Variants in SOCS2 observed in about 807,000 individuals in gnomAD.
The protein encoded by SOCS2 is suppressor of cytokine signaling 2.
In SOCS2, 10 loss-of-function variants were observed where a neutral mutation model predicts 18.6. The ratio of observed to expected loss-of-function variants is 0.54; its 90% CI spans 0.33 to 0.91. The LOEUF is 0.91. Ranked by LOEUF, SOCS2 falls within the 40% of genes least tolerant of loss-of-function variation. The pLI, the probability that SOCS2 is intolerant of heterozygous loss-of-function variation, is 0.02. For missense variants in SOCS2, 231 were observed against 247.2 expected (o/e 0.93, Z 0.44); for synonymous variants, 104 against 104.0 (o/e 1.00, Z 0.00).
the SOCS2 span, among the ~76,000 whole-genome samples, chr12:93,595,179 T>C: frequency 6.6e-6 from 1 of 152,228 alleles, no homozygotes; most frequent in South Asian, 2.1e-4. Flanking sequence ...AAATAAAATA[T>C]GCTCAGCTTT....
At chr12:93,573,394 A>G in intron 1 of SOCS2, 1 of 451,596 alleles carries the variant, frequency 2.2e-6, no homozygotes, top group Non-Finnish European at 3.9e-6. Context: ...GCAATCAGCA[A>G]GTCGGTGCCG....
the SOCS2 span, among the ~76,000 whole-genome samples, chr12:93,621,506 A>G: frequency 8.5e-5 from 13 of 152,146 alleles, no homozygotes; most frequent in East Asian, 2.5e-3. Flanking sequence ...TTTTTGAGAC[A>G]GAGTCTCACT....
downstream of SOCS2, among the ~76,000 whole-genome samples, chr12:93,586,209 G>C (rs1328526147): frequency 2.0e-5 from 3 of 151,956 alleles, no homozygotes; most frequent in African/African-American, 7.3e-5. Flanking sequence ...AACATCTCTT[G>C]GGTTTTCTCA....
At chr12:93,609,107 A>G in the SOCS2 span, among the ~76,000 whole-genome samples, 5 of 151,740 alleles carry the variant, frequency 3.3e-5, no homozygotes, top group African/African-American at 1.2e-4. Context: ...TTAAAAATAA[A>G]TAGGCCAGGT....
chr12:93,608,399 T>G, the SOCS2 span, among the ~76,000 whole-genome samples: 1 of 152,154 alleles, frequency 6.6e-6, no homozygotes, highest in Non-Finnish European at 1.5e-5. Flanking sequence ...TGCTCCTGGC[T>G]CTAATGTGGC....
At chr12:93,587,377 T>C (rs1954590639), downstream of SOCS2, among the ~76,000 whole-genome samples, 1 of 151,990 alleles carries the variant, frequency 6.6e-6, no homozygotes, top group African/African-American at 2.4e-5. Context: ...GCTTTTCATC[T>C]GAGACTTAAA....
At chr12:93,619,329 T>C in the SOCS2 span, among the ~76,000 whole-genome samples, 6 of 152,102 alleles carry the variant, frequency 3.9e-5, no homozygotes, top group East Asian at 1.9e-4. Context: ...ACACAGTCCA[T>C]AGGGGTCAGA....
chr12:93,601,824 T>C, the SOCS2 span, among the ~76,000 whole-genome samples: 2 of 152,250 alleles, frequency 1.3e-5, no homozygotes, highest in Admixed American at 6.5e-5. Context: ...ATTATACAAC[T>C]GTCTTTTTTT....
At chr12:93,581,539 A>T (rs1185476281), downstream of SOCS2, among the ~76,000 whole-genome samples, 1 of 151,858 alleles carries the variant, frequency 6.6e-6, no homozygotes, top group East Asian at 1.9e-4. Context: ...CTACCTTTTC[A>T]ATTTCTTAGT....
At chr12:93,606,122 T>C in the SOCS2 span, among the ~76,000 whole-genome samples, 1 of 152,176 alleles carries the variant, frequency 6.6e-6, no homozygotes, top group African/African-American at 2.4e-5. Context: ...CCAAAATGGC[T>C]CTTGACTCTC....
chr12:93,597,430 C>T, the SOCS2 span, among the ~76,000 whole-genome samples: 2 of 152,064 alleles, frequency 1.3e-5, no homozygotes, highest in Admixed American at 6.5e-5. Flanking sequence ...ATTCTCCTGC[C>T]TCAGCCTCCT....
the SOCS2 span, among the ~76,000 whole-genome samples, chr12:93,616,980 A>AT: frequency 2.9e-4 from 44 of 152,212 alleles, no homozygotes; most frequent in South Asian, 1.7e-3. Context: ...AGGCATGGGA[A>AT]TATACAAGGC....
At chr12:93,579,563 C>T (rs1954510389), downstream of SOCS2, among the ~76,000 whole-genome samples, 1 of 152,152 alleles carries the variant, frequency 6.6e-6, no homozygotes, top group African/African-American at 2.4e-5. Context: ...GCTTCTGCTG[C>T]TGTATGTCTG....
chr12:93,602,776 C>A, the SOCS2 span, among the ~76,000 whole-genome samples: 6 of 152,156 alleles, frequency 3.9e-5, no homozygotes, highest in African/African-American at 1.4e-4. Context: ...TGCCTCAGAG[C>A]CCTGCATTCT....
downstream of SOCS2, among the ~76,000 whole-genome samples, chr12:93,584,515 T>A (rs942892260): frequency 6.6e-6 from 1 of 152,190 alleles, no homozygotes; most frequent in African/African-American, 2.4e-5. Flanking sequence ...ATTTTCTCAA[T>A]AAGCTTGCAA....
At chr12:93,591,780 A>C in the SOCS2 span, among the ~76,000 whole-genome samples, 1 of 152,204 alleles carries the variant, frequency 6.6e-6, no homozygotes, top group South Asian at 2.1e-4. Flanking sequence ...TTGGAAGCGC[A>C]CCAGATGAGT....
intron 1 of SOCS2, chr12:93,573,994 G>C (rs1954366957): frequency 6.6e-6 from 1 of 152,226 alleles, no homozygotes; most frequent in Admixed American, 6.5e-5. Context: ...GGTTGTGATT[G>C]GGTTTGGATT....
chr12:93,577,203 G>C (rs1954479141), downstream of SOCS2, among the ~76,000 whole-genome samples: 1 of 152,180 alleles, frequency 6.6e-6, no homozygotes, highest in East Asian at 1.9e-4. Context: ...GCTCGCAAGT[G>C]ACTAATTATG....
At chr12:93,591,659 G>A in the SOCS2 span, among the ~76,000 whole-genome samples, 1 of 152,154 alleles carries the variant, frequency 6.6e-6, no homozygotes, top group South Asian at 2.1e-4. Context: ...TGGCGTGGCG[G>A]CTCCTCCCAG....
Sources: gnomAD v4.1 joint callset for allele counts (sites outside exome capture counted in the v4.1 genomes callset) on GRCh38, gnomAD v4.1.1 for gene constraint, MANE v1.5 for transcripts, NCBI Gene and HGNC (gene_info 2026-07-23, HGNC 2026-07-21) for gene names.